Variants in CNTN1 observed in about 807,000 individuals in gnomAD.
CNTN1 encodes contactin 1.
A neutral mutation model predicts 126.4 loss-of-function variants in CNTN1; 38 were observed. The observed-to-expected ratio is 0.30, with a 90% CI of 0.23 to 0.39. The LOEUF is 0.39. Among genes scored for constraint, CNTN1 ranks in the 10% least tolerant of loss-of-function variants. The probability of loss-of-function intolerance (pLI) is 1.00; values close to 1 mark genes in which losing one functional copy is unlikely to be tolerated. For synonymous variants in CNTN1, 413 were observed against 422.6 expected (o/e 0.98, Z 0.28); for missense variants, 1,009 against 1,248.4 (o/e 0.81, Z 2.89).
At chr12:41,010,068 G>C (rs1384421980) in intron 17 of CNTN1, among the ~76,000 whole-genome samples, 1 of 152,126 alleles carries the variant, frequency 6.6e-6, no homozygotes, top group African/African-American at 2.4e-5. Flanking sequence ...TGTGATGCCT[G>C]GTCATGCTAC....
At chr12:40,707,127 A>G (rs1941777412) in intron 1 of CNTN1, among the ~76,000 whole-genome samples, 1 of 151,194 alleles carries the variant, frequency 6.6e-6, no homozygotes, top group South Asian at 2.1e-4. Context: ...GCTTTTAAAT[A>G]CCTCAAGGAT....
intron 14 of CNTN1, among the ~76,000 whole-genome samples, chr12:40,956,697 G>T (rs1303667722): frequency 6.6e-6 from 1 of 152,032 alleles, no homozygotes; most frequent in Non-Finnish European, 1.5e-5. Context: ...ATCAGAGAGA[G>T]CCTAGAGAAT....
intron 5 of CNTN1, among the ~76,000 whole-genome samples, chr12:40,924,091 G>A (rs977187920): frequency 9.9e-5 from 15 of 152,070 alleles, no homozygotes; most frequent in African/African-American, 3.4e-4. Context: ...TCCCTAATGA[G>A]GGTCCTGCCT....
chr12:40,878,941 T>C (rs1943776198), intron 1 of CNTN1, among the ~76,000 whole-genome samples: 1 of 152,172 alleles, frequency 6.6e-6, no homozygotes, highest in African/African-American at 2.4e-5. Flanking sequence ...GTTCACATTA[T>C]ATAGCTTTCA....
intron 1 of CNTN1, among the ~76,000 whole-genome samples, chr12:40,778,904 T>C (rs2136445960): frequency 6.6e-6 from 1 of 151,898 alleles, no homozygotes; most frequent in South Asian, 2.1e-4. Flanking sequence ...AAACTATTTT[T>C]GGTTGATAGT....
Position 40,867,565 on chromosome 12 carries a change from A to C in CNTN1, c.-76-40792A>C, listed in dbSNP as rs539593672. On this transcript the variant is annotated intron_variant, in intron 1 of 23. Transcript: ENST00000551295. ...TTAATTAGCTCAGTTGAACCATTCCACAGTGTATACATATTTCAAAATGTG... is the reference window on the plus strand; with the variant it reads ...TTAATTAGCTCAGTTGAACCATTCCCCAGTGTATACATATTTCAAAATGTG... 9.8e-4 allele frequency among the ~76,000 whole-genome samples: 149 copies of C among 152,330 alleles called. 1 individual carries two copies. The highest frequency in any genetic ancestry group is 3.4e-3 in the Middle Eastern group (1 of 294).
At chr12:40,949,904 G>A (rs1018996053) in intron 14 of CNTN1, among the ~76,000 whole-genome samples, 1 of 151,218 alleles carries the variant, frequency 6.6e-6, no homozygotes, top group African/African-American at 2.4e-5. Context: ...AGAAGGTTAA[G>A]ATTATCCAGA....
chr12:40,910,096 G>T lies in CNTN1; in HGVS notation c.85G>T (p.Gly29Cys). The stretch of plus-strand genomic sequence containing the variant: ...AGAGTTTACATGGTATAGAAGATAT[G>T]GTCATGGAGGTAAGTTGACCAAAGA... ...LAEFTWYRRY[G>C]HGVSEEDKGF... The change falls in exon 3 of 24, where the codon GGT becomes TGT. Residue 29 changes from glycine to cysteine, a missense_variant. Transcript: ENST00000551295. The T allele has an allele frequency of 6.2e-7, 1 of 1,605,542 alleles. No homozygotes were observed.
At chr12:40,937,151 C>T (rs1253432995) in intron 10 of CNTN1, among the ~76,000 whole-genome samples, 2 of 151,984 alleles carry the variant, frequency 1.3e-5, no homozygotes, top group African/African-American at 4.8e-5. Flanking sequence ...TTCCACTTTT[C>T]CACCCTCTTC....
chr12:40,704,341 C>G (rs1297171850), intron 1 of CNTN1, among the ~76,000 whole-genome samples: 2 of 151,660 alleles, frequency 1.3e-5, no homozygotes, highest in Non-Finnish European at 2.9e-5. Flanking sequence ...AATTGGCAGG[C>G]CTATACTCTC....
At chr12:41,000,076 AG>A (rs1948319427) in intron 17 of CNTN1, among the ~76,000 whole-genome samples, 1 of 152,152 alleles carries the variant, frequency 6.6e-6, no homozygotes, top group African/African-American at 2.4e-5. Flanking sequence ...AGAGCAAATC[AG>A]TCTTGAAAAT....
intron 14 of CNTN1, among the ~76,000 whole-genome samples, chr12:40,956,869 A>G (rs989060301): frequency 2.6e-5 from 4 of 152,064 alleles, no homozygotes; most frequent in Non-Finnish European, 5.9e-5. Flanking sequence ...AGAGTGGAAC[A>G]GTGGTGGAAG....
intron 1 of CNTN1, among the ~76,000 whole-genome samples, chr12:40,702,077 T>A (rs1204222012): frequency 6.7e-6 from 1 of 149,258 alleles, no homozygotes; most frequent in Non-Finnish European, 1.5e-5. Context: ...AACGGAATCA[T>A]GAAGTATGCA....
Position 40,776,581 on chromosome 12 carries a change from T to C in CNTN1, c.-77+83989T>C, listed in dbSNP as rs565718400. On this transcript the variant is annotated intron_variant, in intron 1 of 23. Coordinates refer to ENST00000551295, the MANE Select transcript of CNTN1 (RefSeq NM_001843.4). ...TTAAAAATGCCCATTGAGCTTACAT[T>C]CTTAAAAACAAACAGGAAACAAACA... Among the ~76,000 whole-genome samples, 16 of 151,782 alleles carry C rather than the reference T, an allele frequency of 1.1e-4. No homozygotes were observed. The Middle Eastern group carries it at 0.01, about 97-fold the overall frequency.
chr12:41,043,678 T>A (rs1724778153), intron 23 of CNTN1, among the ~76,000 whole-genome samples: 1 of 152,120 alleles, frequency 6.6e-6, no homozygotes, highest in Non-Finnish European at 1.5e-5. Flanking sequence ...TAAATCATGC[T>A]GCTATAAAGA....
At chr12:40,820,229 G>A (rs1253939627) in intron 1 of CNTN1, among the ~76,000 whole-genome samples, 2 of 152,140 alleles carry the variant, frequency 1.3e-5, no homozygotes, top group African/African-American at 4.8e-5. Context: ...CAGCTCTTGT[G>A]GGAACTAATT....
chr12:40,700,894 T>C (rs1370465509), intron 1 of CNTN1, among the ~76,000 whole-genome samples: 1 of 152,240 alleles, frequency 6.6e-6, no homozygotes, highest in Non-Finnish European at 1.5e-5. Flanking sequence ...CATGACCATC[T>C]CAAAACTTTA....
intron 1 of CNTN1, among the ~76,000 whole-genome samples, chr12:40,707,128 C>T (rs1192673378): frequency 6.6e-6 from 1 of 151,640 alleles, no homozygotes; most frequent in Non-Finnish European, 1.5e-5. Flanking sequence ...CTTTTAAATA[C>T]CTCAAGGATC....
intron 23 of CNTN1, 22 bp downstream of exon 23, chr12:41,029,241 C>T: frequency 3.1e-6 from 5 of 1,613,600 alleles, no homozygotes; most frequent in Non-Finnish European, 4.2e-6. Context: ...ATTTAAGACA[C>T]ATTTCAACTA....
Sources: gnomAD v4.1 joint callset for allele counts (sites outside exome capture counted in the v4.1 genomes callset) on GRCh38, gnomAD v4.1.1 for gene constraint, MANE v1.5 for transcripts, NCBI Gene and HGNC (gene_info 2026-07-23, HGNC 2026-07-21) for gene names.